The following LDAH variants were observed in gnomAD, a reference collection of about 807,000 sequenced individuals.
LDAH encodes lipid droplet-associated hydrolase.
In LDAH, 26 loss-of-function variants were observed where a neutral mutation model predicts 29.6. The ratio of observed to expected loss-of-function variants is 0.88; its 90% CI spans 0.64 to 1.22. The LOEUF (loss-of-function observed/expected upper bound fraction) is 1.22, where lower values mean the gene tolerates loss of function less well. Among genes scored for constraint, LDAH ranks in the 50% most tolerant of loss-of-function variants. LDAH has a pLI of 0.00. For synonymous variants in LDAH, 117 were observed against 133.0 expected, an observed-to-expected ratio of 0.88 and a Z score of 0.83; for missense variants, 344 against 387.3, an observed-to-expected ratio of 0.89 and a Z score of 0.94.
At chr2:20,765,541 AT>A (rs1189682792) in intron 4 of LDAH, among the ~76,000 whole-genome samples, 3 of 152,210 alleles carry the variant, frequency 2.0e-5, no homozygotes, top group African/African-American at 4.8e-5. Context: ...AATCACAATG[AT>A]TTTGCTTTCT....
In LDAH at chr2:20,756,367, G is replaced by A. The variant is rs551474260; in HGVS notation, c.469-16162C>T. 2.0e-5 allele frequency among the ~76,000 whole-genome samples: 3 copies of A among 152,176 alleles called. No homozygotes were observed. The South Asian group carries it at 6.2e-4, about 32-fold the overall frequency. On this transcript the variant is annotated intron_variant, in intron 4 of 6. Coordinates refer to ENST00000237822, the MANE Select transcript of LDAH (RefSeq NM_021925.4). The stretch of plus-strand genomic sequence containing the variant: ...TCATTCTTAAATATGAGTGGATAAT[G>A]AATAAGCACTAGACATTTGAGGAAA...
At chr2:20,813,340 ATAG>A (rs1468250611) in intron 1 of LDAH, among the ~76,000 whole-genome samples, 1 of 152,222 alleles carries the variant, frequency 6.6e-6, no homozygotes, top group Non-Finnish European at 1.5e-5. Context: ...TGTTTGACAA[ATAG>A]TAGCATATTA....
At chr2:20,701,674 T>C in intron 5 of LDAH, 22 bp from the exon 6 acceptor site, 1 of 1,584,304 alleles carries the variant, frequency 6.3e-7, no homozygotes, top group Non-Finnish European at 8.7e-7. Flanking sequence ...AAATAAAAAG[T>C]CAAACATTTA....
intron 6 of LDAH, among the ~76,000 whole-genome samples, chr2:20,697,956 A>G (rs1458321490): frequency 6.6e-6 from 1 of 152,190 alleles, no homozygotes; most frequent in Non-Finnish European, 1.5e-5. Flanking sequence ...TATACTTATC[A>G]TTACAAATTA....
chr2:20,718,671 CA>C (rs1459124877), intron 5 of LDAH, among the ~76,000 whole-genome samples: 1 of 152,150 alleles, frequency 6.6e-6, no homozygotes, highest in Non-Finnish European at 1.5e-5. Flanking sequence ...ATGGACCTAA[CA>C]GACATTTATG....
At chr2:20,750,765 C>T (rs540180048) in intron 4 of LDAH, among the ~76,000 whole-genome samples, 1 of 152,310 alleles carries the variant, frequency 6.6e-6, no homozygotes, top group South Asian at 2.1e-4. Flanking sequence ...CCCACATGCC[C>T]ATCAGTGGTA....
At position 20,782,335 on chromosome 2, in the gene LDAH, G is replaced by C. The variant is rs750405432; in HGVS notation, c.299-7356C>G. On this transcript the variant is annotated intron_variant, in intron 3 of 6. Coordinates refer to ENST00000237822, the MANE Select transcript of LDAH (RefSeq NM_021925.4). ...TTCAACTTTCAAAGTTGCCATTCAT[G>C]TTCTCTTCAAATGTTCGCTTCTGTC... Among the ~76,000 whole-genome samples, 3 of 152,196 alleles carry C rather than the reference G, an allele frequency of 2.0e-5. No individual in the cohort carries two copies. In the East Asian group the frequency reaches 5.8e-4, roughly 29 times the overall value.
At chr2:20,738,393 T>G (rs1278925158) in intron 5 of LDAH, among the ~76,000 whole-genome samples, 1 of 151,674 alleles carries the variant, frequency 6.6e-6, no homozygotes, top group Non-Finnish European at 1.5e-5. Flanking sequence ...GTACCTAGGG[T>G]GGGTGCATCC....
At chr2:20,696,044 T>C (rs1200969398) in intron 6 of LDAH, among the ~76,000 whole-genome samples, 3 of 152,152 alleles carry the variant, frequency 2.0e-5, no homozygotes, top group Non-Finnish European at 4.4e-5. Flanking sequence ...GGTCACAATA[T>C]TGAGATAAAA....
chr2:20,701,716 A>C (rs1313646967), intron 5 of LDAH, 64 bp from the exon 6 acceptor site: 24 of 1,400,454 alleles, frequency 1.7e-5, no homozygotes. Context: ...ATTTCAAATT[A>C]ATTTTAGTAA....
chr2:20,723,546 C>T (rs1327581201), intron 5 of LDAH, among the ~76,000 whole-genome samples: 6 of 152,066 alleles, frequency 3.9e-5, no homozygotes, highest in African/African-American at 9.7e-5. Context: ...TGTACTCCAT[C>T]CCACCTTTAT....
At chr2:20,819,575 A>G (rs1673100787) in intron 1 of LDAH, among the ~76,000 whole-genome samples, 1 of 152,244 alleles carries the variant, frequency 6.6e-6, no homozygotes, top group African/African-American at 2.4e-5. Context: ...ACAGCTCTTC[A>G]TGCTAAAAAC....
chr2:20,699,992 G>A (rs1311055766), intron 6 of LDAH, among the ~76,000 whole-genome samples: 3 of 152,198 alleles, frequency 2.0e-5, no homozygotes, highest in Middle Eastern at 3.2e-3. Flanking sequence ...TCTGACACAT[G>A]ATGGGTCTAG....
chr2:20,708,100 T>C (rs1216616039), intron 5 of LDAH, among the ~76,000 whole-genome samples: 1 of 152,188 alleles, frequency 6.6e-6, no homozygotes, highest in Non-Finnish European at 1.5e-5. Flanking sequence ...TGGTGAGTTG[T>C]ATAATTATTT....
At chr2:20,752,759 T>C (rs908677115) in intron 4 of LDAH, among the ~76,000 whole-genome samples, 5 of 152,256 alleles carry the variant, frequency 3.3e-5, no homozygotes, top group Admixed American at 3.3e-4. Flanking sequence ...GAAATAAAGA[T>C]GCCCTGGCTG....
chr2:20,745,999 G>T (rs1400194864), intron 4 of LDAH, among the ~76,000 whole-genome samples: 1 of 152,142 alleles, frequency 6.6e-6, no homozygotes, highest in Non-Finnish European at 1.5e-5. Flanking sequence ...TGGGGAGAGG[G>T]AAGAGCATGT....
At chr2:20,796,545 G>A (rs1236634256) in intron 2 of LDAH, among the ~76,000 whole-genome samples, 1 of 152,130 alleles carries the variant, frequency 6.6e-6, no homozygotes. Flanking sequence ...TGGACTGACT[G>A]AGCCAAAAAC....
chr2:20,803,843 C>T (rs975518883), intron 1 of LDAH, among the ~76,000 whole-genome samples: 3 of 152,142 alleles, frequency 2.0e-5, no homozygotes, highest in Non-Finnish European at 4.4e-5. Context: ...CATAGTTTTT[C>T]TCTTATCATA....
chr2:20,687,145 C>A, intron 6 of LDAH, 51 bp from the exon 7 acceptor site: 1 of 1,499,134 alleles, frequency 6.7e-7, no homozygotes, highest in Admixed American at 1.8e-5. Context: ...CCCTTCCTGA[C>A]ACAGATATGA....
Sources: allele counts gnomAD v4.1 joint callset (sites outside exome capture counted in the v4.1 genomes callset), GRCh38; gene constraint gnomAD v4.1.1; transcripts MANE v1.5; gene names NCBI Gene and HGNC (gene_info 2026-07-23, HGNC 2026-07-21).